Variants in NBAS observed in about 807,000 individuals in gnomAD.
NBAS encodes NBAS subunit of NRZ tethering complex, also known as NAG/BC035112 fusion.
NBAS carries 219 observed loss-of-function variants against 302.5 expected under a neutral mutation model. That is an observed-to-expected ratio of 0.72 (90% CI 0.65 to 0.81). The LOEUF is 0.81. Ranked by LOEUF, NBAS falls within the 30% of genes least tolerant of loss-of-function variation. The probability of loss-of-function intolerance (pLI) is 0.00; values close to 1 mark genes in which losing one functional copy is unlikely to be tolerated. For synonymous variants in NBAS, 1,118 were observed against 1,021.6 expected, an observed-to-expected ratio of 1.09 and a Z score of -1.80; for missense variants, 2,932 against 2,841.6, an observed-to-expected ratio of 1.03 and a Z score of -0.72.
chr2:14,990,423 C>CA, the NBAS span, among the ~76,000 whole-genome samples: 12,955 of 145,630 alleles, frequency 0.089, 1,441 homozygotes, highest in African/African-American at 0.26. Flanking sequence ...GACTCCATCT[C>CA]AAAAAAAAAA....
At chr2:15,215,578 A>G (rs1206964304) in intron 48 of NBAS, among the ~76,000 whole-genome samples, 1 of 152,162 alleles carries the variant, frequency 6.6e-6, no homozygotes, top group African/African-American at 2.4e-5. Context: ...AATATCACCC[A>G]AAGTTATCTC....
the NBAS span, among the ~76,000 whole-genome samples, chr2:14,783,720 T>A: frequency 6.6e-6 from 1 of 152,026 alleles, no homozygotes; most frequent in Admixed American, 6.6e-5. Context: ...CAGTCTATCA[T>A]TGTTGGACAT....
intron 48 of NBAS, among the ~76,000 whole-genome samples, chr2:15,194,190 C>T (rs1023543206): frequency 6.6e-6 from 1 of 152,052 alleles, no homozygotes; most frequent in Non-Finnish European, 1.5e-5. Flanking sequence ...AAGACACAAA[C>T]CCACACATTC....
At chr2:15,320,769 T>G (rs964305121) in intron 38 of NBAS, among the ~76,000 whole-genome samples, 3 of 152,036 alleles carry the variant, frequency 2.0e-5, no homozygotes, top group Non-Finnish European at 2.9e-5. Context: ...GGAAGAATAT[T>G]CCATGCTTAT....
chr2:14,867,660 C>G, the NBAS span, among the ~76,000 whole-genome samples: 1 of 152,244 alleles, frequency 6.6e-6, no homozygotes, highest in Admixed American at 6.5e-5. Flanking sequence ...AGATCATGCA[C>G]ATGATTGTTG....
chr2:15,057,398 T>C, the NBAS span, among the ~76,000 whole-genome samples: 1 of 152,058 alleles, frequency 6.6e-6, no homozygotes, highest in Non-Finnish European at 1.5e-5. Flanking sequence ...GATACCTTTT[T>C]TTTTTAAGTT....
the NBAS span, among the ~76,000 whole-genome samples, chr2:14,997,092 G>A: frequency 6.6e-6 from 1 of 151,982 alleles, no homozygotes; most frequent in Admixed American, 6.6e-5. Context: ...TAAATTATCG[G>A]AGCTCCATGA....
Position 15,461,299 on chromosome 2 carries a change from G to A in NBAS, c.2241C>T (p.Tyr747=). 1 of 1,613,058 alleles carries A rather than the reference G, an allele frequency of 6.2e-7. No individual in the cohort carries two copies. The highest frequency in any genetic ancestry group is 2.2e-5 in the East Asian group (1 of 44,842). ...GATGAGGAAGCAGGTCGGAACCATG[G>A]TAAGTAAACAGAATTTCCAGGGCTT... is the stretch of plus-strand genomic sequence containing the variant. ...NVQALEILFT[Y]HGSDLLPHRL... is the part of the protein sequence containing the mutation. The change falls in exon 21 of 52, where the codon TAC becomes TAT. Residue 747 remains tyrosine, a synonymous_variant. Transcript: ENST00000281513.
Position 15,511,351 on chromosome 2 carries a change from C to T in NBAS, c.747-1G>A, listed in dbSNP as rs1328608762. 1.9e-6 allele frequency: 3 copies of T among 1,613,308 alleles called. No individual in the cohort carries two copies. In the Admixed American group the frequency reaches 5.0e-5, roughly 27 times the overall value. On this transcript the variant is annotated splice_acceptor_variant, in intron 9 of 51. Transcript: ENST00000281513. LOFTEE classifies it high-confidence loss of function. ...TTCACATCCACCAACAAGTAAAAGT[C>T]TAAAAAGGAGAAAATTTTTAAAAAT...
chr2:14,921,460 G>A, the NBAS span, among the ~76,000 whole-genome samples: 1 of 152,178 alleles, frequency 6.6e-6, no homozygotes, highest in South Asian at 2.1e-4. Context: ...CCTCAGCACA[G>A]GGTTGCCACA....
At chr2:14,932,600 C>T in the NBAS span, among the ~76,000 whole-genome samples, 1 of 152,130 alleles carries the variant, frequency 6.6e-6, no homozygotes. Context: ...CCCAGGTTTG[C>T]TTAGTATTAA....
chr2:15,422,899 G>A (rs1336597187), intron 23 of NBAS, among the ~76,000 whole-genome samples: 5 of 152,244 alleles, frequency 3.3e-5, no homozygotes, highest in African/African-American at 1.2e-4. Flanking sequence ...AACAAAACTT[G>A]TCCATCTAAC....
chr2:15,474,938 GATTT>G (rs949873506), intron 14 of NBAS, among the ~76,000 whole-genome samples: 5 of 152,052 alleles, frequency 3.3e-5, no homozygotes, highest in African/African-American at 4.8e-5. Context: ...ATAATTTGAT[GATTT>G]GTTTTTGTCT....
chr2:14,922,993 A>G, the NBAS span, among the ~76,000 whole-genome samples: 3 of 152,156 alleles, frequency 2.0e-5, no homozygotes, highest in African/African-American at 7.2e-5. Flanking sequence ...TCTACTAAAA[A>G]TACAAAAAAT....
At chr2:15,467,909 A>G in intron 17 of NBAS, 105 bp from the exon 18 acceptor site, 1 of 1,058,800 alleles carries the variant, frequency 9.4e-7, no homozygotes, top group Non-Finnish European at 1.4e-6. Context: ...TTCCACAAAA[A>G]CAGAAGAAAG....
chr2:15,402,125 G>A, intron 26 of NBAS, 43 bp downstream of exon 26: 1 of 1,610,434 alleles, frequency 6.2e-7, no homozygotes, highest in Non-Finnish European at 8.5e-7. Flanking sequence ...TTAACTGTTA[G>A]AATAAAAAAA....
chr2:15,192,234 ATTT>A (rs56108047), intron 48 of NBAS, among the ~76,000 whole-genome samples: 4 of 138,626 alleles, frequency 2.9e-5, no homozygotes, highest in East Asian at 2.1e-4. Flanking sequence ...AGAAGAGGCT[ATTT>A]TTTTTTTTTT....
chr2:15,319,762 C>G (rs1377533586), intron 38 of NBAS, among the ~76,000 whole-genome samples: 1 of 152,040 alleles, frequency 6.6e-6, no homozygotes, highest in East Asian at 1.9e-4. Flanking sequence ...TAACAGCCTA[C>G]CAACCAAAAA....
chr2:15,536,603 G>C (rs1403617350), intron 7 of NBAS, 52 bp from the exon 8 acceptor site: 3 of 1,429,532 alleles, frequency 2.1e-6, no homozygotes, highest in South Asian at 1.2e-5. Flanking sequence ...CTAGATAAAA[G>C]TTAACACATG....
Sources: gnomAD v4.1 joint callset for allele counts (sites outside exome capture counted in the v4.1 genomes callset) on GRCh38, gnomAD v4.1.1 for gene constraint, MANE v1.5 for transcripts, NCBI Gene and HGNC (gene_info 2026-07-23, HGNC 2026-07-21) for gene names.